The following TRAPPC2 variants were observed in gnomAD, a reference collection of about 807,000 sequenced individuals.
TRAPPC2 encodes the protein sedlin.
In TRAPPC2, 4 loss-of-function variants were observed where a neutral mutation model predicts 10.0. The observed-to-expected ratio is 0.40, with a 90% CI of 0.20 to 0.92. The LOEUF (loss-of-function observed/expected upper bound fraction) is 0.92. TRAPPC2 is among the 40% of genes least tolerant of loss of function. The pLI is 0.35. For synonymous variants in TRAPPC2, 36 were observed against 37.3 expected (o/e 0.97, Z 0.12); for missense variants, 52 against 108.7 (o/e 0.48, Z 2.32).
intron 2 of TRAPPC2, among the ~76,000 whole-genome samples, chrX:13,724,725 C>G (rs1351151584): frequency 8.9e-6 from 1 of 112,481 alleles, no homozygotes; most frequent in Admixed American, 9.4e-5. Flanking sequence ...ACTGAGGTAC[C>G]TGGTTCATCT....
intron 2 of TRAPPC2, among the ~76,000 whole-genome samples, chrX:13,733,026 C>A (rs2046710063): frequency 8.9e-6 from 1 of 111,954 alleles, no homozygotes; most frequent in African/African-American, 3.2e-5. Context: ...ATATTATAAG[C>A]AATTCTCCCT....
chrX:13,719,387 G>A (rs2046362328), intron 3 of TRAPPC2, among the ~76,000 whole-genome samples: 1 of 111,290 alleles, frequency 9.0e-6, no homozygotes, highest in Non-Finnish European at 1.9e-5. Context: ...TGGCCAAGGT[G>A]TCACTGGGGA....
rs2046772498 is a variant in TRAPPC2, at chrX:13,734,607, G to T, written c.-244C>A. ...GCCCCGAACCTGTAGCCAGAACGCCGAAGCAGTTCTCGCGATACCCTGGGA... is the reference window on the plus strand; with the variant it reads ...GCCCCGAACCTGTAGCCAGAACGCCTAAGCAGTTCTCGCGATACCCTGGGA... On this transcript the variant is annotated 5_prime_UTR_variant, in exon 1 of 6. Transcript: ENST00000380579. 1.3e-6 allele frequency: 1 copy of T among 752,613 alleles called. No individual in the cohort carries two copies. Among genetic ancestry groups the T allele is most frequent in the African/African-American group, 2.2e-5 (1 of 45,694 alleles). The allele number at this position is 752,613 out of a possible 1,213,427, so 62.0% of individuals were successfully genotyped here.
intron 3 of TRAPPC2, 71 bp from the exon 4 acceptor site, chrX:13,716,749 G>A: frequency 9.0e-7 from 1 of 1,109,961 alleles, no homozygotes; most frequent in Non-Finnish European, 1.2e-6. Context: ...ATTTCATTCT[G>A]TAAATTCTAT....
rs2046291961 is a variant in TRAPPC2 at position 13,716,619 on chromosome X, C to G, written c.153G>C (p.Glu51Asp). 8.3e-7 allele frequency: 1 copy of G among 1,210,220 alleles called. No homozygotes were observed. The highest frequency in any genetic ancestry group is 1.1e-6 in the Non-Finnish European group (1 of 895,077). The change falls in exon 4 of 6, where the codon GAG becomes GAC. Residue 51 changes from glutamate (E) to aspartate (D), a missense_variant. Coordinates refer to ENST00000380579, the MANE Select transcript of TRAPPC2 (RefSeq NM_001011658.4). ...IAHAALDLVD[E>D]NMWLSNNMYL... ...ACATGTTGTTCGATAGCCACATGTTCTCATCTACGAGGTCGAGAGCAGCAT... is the reference window on the plus strand; with the variant it reads ...ACATGTTGTTCGATAGCCACATGTTGTCATCTACGAGGTCGAGAGCAGCAT...
At position 13,714,141 on chromosome X, in the gene TRAPPC2, CA is replaced by C. The variant is rs1391139644; in HGVS notation, c.*265del. The C allele has an allele frequency of 2.8e-5, 2 of 70,200 alleles. No individual in the cohort carries two copies. Among genetic ancestry groups the C allele is most frequent in the African/African-American group, 1.9e-4 (2 of 10,538 alleles). The allele number at this position is 70,200 out of a possible 1,213,427, so 5.8% of individuals were successfully genotyped here. A position where few individuals can be genotyped will look rare whatever the true frequency, so the allele number is the denominator to read the frequency against. On this transcript the variant is annotated 3_prime_UTR_variant, in exon 6 of 6. Transcript: ENST00000380579. ...CTGGCAACAGAGTGAGACTCTGTAT[CA>C]GAAAAAAAAAAAAAAAAAAAACATG...
At chrX:13,722,208 C>CCAA (rs1555898002) in intron 2 of TRAPPC2, 6 of 36,112 alleles carry the variant, frequency 1.7e-4, no homozygotes, top group African/African-American at 7.2e-4. Flanking sequence ...TAAGCAGCAG[C>CCAA]AAAAAAAAAA....
chrX:13,715,243 C>T (rs1038402158), intron 5 of TRAPPC2, among the ~76,000 whole-genome samples: 43 of 112,892 alleles, frequency 3.8e-4, no homozygotes, highest in Non-Finnish European at 6.9e-4. Context: ...GAGGCCAAGG[C>T]GGGTGGATCA....
At position 13,716,524 on chromosome X, in the gene TRAPPC2, G is replaced by C. The variant is rs748154933; in HGVS notation, c.238+10C>G. The C allele has an allele frequency of 3.3e-6, 4 of 1,211,214 alleles. No homozygotes were observed. The South Asian group carries it at 7.0e-5, about 21-fold the overall frequency. On this transcript the variant is annotated intron_variant, in intron 4 of 5. Coordinates refer to ENST00000380579, the MANE Select transcript of TRAPPC2 (RefSeq NM_001011658.4). ...TTAGTTAGTTACCTTTACTAAGAAGGTAAGGATATGCCCCGCAGTGACAAA... is the reference window on the plus strand; with the variant it reads ...TTAGTTAGTTACCTTTACTAAGAAGCTAAGGATATGCCCCGCAGTGACAAA...
In TRAPPC2 at chrX:13,719,855, A is replaced by T. The variant is rs1368937993; in HGVS notation, c.93+16T>A. The T allele has an allele frequency of 1.8e-6, 2 of 1,125,441 alleles. No individual in the cohort carries two copies. The highest frequency in any genetic ancestry group is 2.4e-6 in the Non-Finnish European group (2 of 828,454). 92.7% of individuals were successfully genotyped at this position (1,125,441 alleles called of 1,213,427 possible). ...TTATACCATATCATTACAATAGCAT[A>T]AAAATTCTTACGTACTTTGGATTCT... On this transcript the variant is annotated intron_variant, in intron 3 of 5. Coordinates refer to ENST00000380579, the MANE Select transcript of TRAPPC2 (RefSeq NM_001011658.4).
chrX:13,725,057 C>T (rs1391484242), intron 2 of TRAPPC2, among the ~76,000 whole-genome samples: 1 of 112,946 alleles, frequency 8.9e-6, no homozygotes, highest in African/African-American at 3.2e-5. Flanking sequence ...GAGGGGTGTC[C>T]GCCATTGCTG....
intron 2 of TRAPPC2, 45 bp from the exon 3 acceptor site, chrX:13,720,027 A>T: frequency 1.1e-6 from 1 of 880,249 alleles, no homozygotes; most frequent in Non-Finnish European, 1.5e-6. Flanking sequence ...GTCAATCTTC[A>T]AATTAAAAAA....
intron 3 of TRAPPC2, among the ~76,000 whole-genome samples, chrX:13,717,067 A>AAAAAAAAAAAGG (rs2046309814): frequency 1.0e-5 from 1 of 95,479 alleles, no homozygotes; most frequent in African/African-American, 4.0e-5. Context: ...AAAAAAAACA[A>AAAAAAAAAAAGG]GATCCTGTGG....
intron 2 of TRAPPC2, among the ~76,000 whole-genome samples, chrX:13,726,351 A>C (rs1052444631): frequency 8.9e-6 from 1 of 112,071 alleles, no homozygotes; most frequent in Non-Finnish European, 1.9e-5. Context: ...TGTTAAGGGC[A>C]GCAGAGAGAA....
intron 1 of TRAPPC2, 66 bp from the exon 2 acceptor site, chrX:13,734,251 G>T (rs1444065062): frequency 5.2e-6 from 2 of 387,890 alleles, no homozygotes; most frequent in Non-Finnish European, 9.0e-6. Flanking sequence ...CCAAAACAAA[G>T]AATCTTCCGG....
At chrX:13,716,114 T>C in intron 4 of TRAPPC2, 25 bp from the exon 5 acceptor site, 1 of 1,167,280 alleles carries the variant, frequency 8.6e-7, no homozygotes, top group Non-Finnish European at 1.2e-6. Context: ...GCATAATCTT[T>C]CTTAGAAATG....
chrX:13,720,429 T>G (rs2046383295), intron 2 of TRAPPC2: 1 of 112,086 alleles, frequency 8.9e-6, no homozygotes, highest in Admixed American at 9.5e-5. Flanking sequence ...AGTAATTACC[T>G]TGCCTTAGAA....
At chrX:13,726,719 G>A (rs767850848) in intron 2 of TRAPPC2, among the ~76,000 whole-genome samples, 16 of 111,536 alleles carry the variant, frequency 1.4e-4, no homozygotes, top group East Asian at 2.8e-4. Context: ...AATAACCAGC[G>A]AACATCATAA....
intron 2 of TRAPPC2, among the ~76,000 whole-genome samples, chrX:13,722,920 G>A (rs778730080): frequency 2.7e-5 from 3 of 110,121 alleles, no homozygotes; most frequent in South Asian, 3.9e-4. Context: ...AAAATTAGCC[G>A]AGTGTGGTGG....
Sources: allele counts gnomAD v4.1 joint callset (sites outside exome capture counted in the v4.1 genomes callset), GRCh38; gene constraint gnomAD v4.1.1; transcripts MANE v1.5; gene names NCBI Gene and HGNC (gene_info 2026-07-23, HGNC 2026-07-21).